GRM5: variants seen among roughly 807,000 people sequenced by gnomAD.
The protein encoded by GRM5 is glutamate metabotropic receptor 5, also known as metabotropic glutamate receptor 5.
GRM5 carries 19 observed loss-of-function variants against 83.1 expected under a neutral mutation model. That is an observed-to-expected ratio of 0.23 (90% CI 0.16 to 0.34). The LOEUF (loss-of-function observed/expected upper bound fraction) is 0.34, where lower values mean the gene tolerates loss of function less well. Among genes scored for constraint, GRM5 ranks in the 10% least tolerant of loss-of-function variants. GRM5 has a pLI of 1.00. For missense variants in GRM5, 1,160 were observed against 1,588.3 expected (o/e 0.73, Z 4.58); for synonymous variants, 675 against 633.6 (o/e 1.07, Z -0.98).
At chr11:88,817,808 G>A (rs867481884) in intron 3 of GRM5, among the ~76,000 whole-genome samples, 21 of 152,058 alleles carry the variant, frequency 1.4e-4, no homozygotes, top group African/African-American at 4.8e-4. Flanking sequence ...TAAGAAAAAT[G>A]AGGTTTAAAT....
At chr11:88,565,538 C>T (rs900124626) in intron 8 of GRM5, among the ~76,000 whole-genome samples, 10 of 152,094 alleles carry the variant, frequency 6.6e-5, no homozygotes, top group Admixed American at 1.3e-4. Context: ...ATTCTGTTTA[C>T]AGATAGGACT....
At position 89,047,222 on chromosome 11, in the gene GRM5, C is replaced by A. The variant is rs1941661058; in HGVS notation, c.651G>T (p.Val217=). ...KRYNWTYVSA[V]HTEGNYGESG... ...GCAAAGGAAACTTACCTTCTGTGTG[C>A]ACGGCTGATACATAGGTCCAGTTGT... The change falls in exon 2 of 10, where the codon GTG becomes GTT. Residue 217 remains valine (V), a synonymous_variant. Transcript: ENST00000305447. The surrounding 1 kb of genome is among the most constrained non-coding windows in gnomAD (Gnocchi z 5.1). 6 of 1,608,200 alleles carry A rather than the reference C, an allele frequency of 3.7e-6. No homozygotes were observed. The African/African-American group carries it at 4.0e-5, about 11-fold the overall frequency.
chr11:88,513,694 T>A (rs78888323), intron 9 of GRM5, among the ~76,000 whole-genome samples: 8 of 152,086 alleles, frequency 5.3e-5, no homozygotes, highest in Non-Finnish European at 8.8e-5. Context: ...CTCAGAATGA[T>A]GTTGAGCAAA....
At chr11:88,638,173 G>A (rs1305959912) in intron 4 of GRM5, among the ~76,000 whole-genome samples, 9 of 104,082 alleles carry the variant, frequency 8.6e-5, no homozygotes, top group African/African-American at 3.4e-4. Flanking sequence ...GGGGAGGGGG[G>A]AGGGATAGCT....
intron 3 of GRM5, among the ~76,000 whole-genome samples, chr11:88,761,853 C>CAGACAT (rs765170699): frequency 5.1e-5 from 5 of 98,270 alleles, no homozygotes; most frequent in Non-Finnish European, 1.5e-4. Flanking sequence ...TACACAGACA[C>CAGACAT]ATAGATCAAC....
chr11:88,968,567 T>C (rs1328065189), intron 2 of GRM5, among the ~76,000 whole-genome samples: 1 of 152,144 alleles, frequency 6.6e-6, no homozygotes, highest in South Asian at 2.1e-4. Context: ...CTTGCACCTG[T>C]AGTCCCAGCT....
chr11:88,618,803 A>G (rs964981370), intron 4 of GRM5, among the ~76,000 whole-genome samples: 5 of 152,180 alleles, frequency 3.3e-5, no homozygotes, highest in Admixed American at 2.6e-4. Context: ...GCACCAAAGA[A>G]CAGGACTTCA....
chr11:88,641,715 A>G (rs1054438713), intron 4 of GRM5, among the ~76,000 whole-genome samples: 11 of 152,332 alleles, frequency 7.2e-5, no homozygotes, highest in Admixed American at 5.9e-4. Context: ...TTAAAGCTCC[A>G]AAATAATCTC....
chr11:88,593,781 T>C (rs1447555198), intron 6 of GRM5, among the ~76,000 whole-genome samples: 3 of 93,908 alleles, frequency 3.2e-5, no homozygotes, highest in African/African-American at 8.1e-5. Context: ...TCTCTCTCTC[T>C]CTCTTTCTCT....
At chr11:88,603,543 T>G (rs115879422) in intron 5 of GRM5, among the ~76,000 whole-genome samples, 5,018 of 152,114 alleles carry the variant, frequency 0.033, 217 homozygotes, top group African/African-American at 0.099. Context: ...TGGATATACG[T>G]AAGAGCCAAA....
intron 3 of GRM5, among the ~76,000 whole-genome samples, chr11:88,742,873 A>G (rs1041904193): frequency 2.6e-5 from 4 of 152,096 alleles, no homozygotes; most frequent in Admixed American, 6.6e-5. Flanking sequence ...AGGCTCTACC[A>G]TCTAAGACCC....
chr11:88,597,165 A>T lies in GRM5; in HGVS notation c.1563+19T>A, dbSNP rs750728122. 6.8e-7 allele frequency: 1 copy of T among 1,479,834 alleles called. No homozygotes were observed. The highest frequency in any genetic ancestry group is 2.3e-5 in the Admixed American group (1 of 42,632). 91.7% of individuals were successfully genotyped at this position (1,479,834 alleles called of 1,614,324 possible). ...TTGAATTTACAACAAAAATGAAAGA[A>T]ACATAGATTCCATTTTACCTTGATC... On this transcript the variant is annotated intron_variant, in intron 6 of 9. Coordinates refer to ENST00000305447, the MANE Select transcript of GRM5 (RefSeq NM_001143831.3).
chr11:89,040,304 TA>T (rs1272746838), intron 2 of GRM5, among the ~76,000 whole-genome samples: 1 of 152,150 alleles, frequency 6.6e-6, no homozygotes, highest in Non-Finnish European at 1.5e-5. Flanking sequence ...ATCTATTCAC[TA>T]TCAAATTAAC....
At chr11:88,826,809 CT>C (rs2135515401) in intron 3 of GRM5, among the ~76,000 whole-genome samples, 1 of 152,270 alleles carries the variant, frequency 6.6e-6, no homozygotes, top group African/African-American at 2.4e-5. Flanking sequence ...ACTATGTAGA[CT>C]TTTAGGAATA....
intron 2 of GRM5, among the ~76,000 whole-genome samples, chr11:88,900,539 C>G (rs1302180107): frequency 6.6e-6 from 1 of 151,860 alleles, no homozygotes; most frequent in African/African-American, 2.4e-5. Context: ...TTAAAATGAT[C>G]ATTTTGAATA....
chr11:88,590,589 G>A lies in GRM5; in HGVS notation c.1690+12C>T, dbSNP rs1488137099. On this transcript the variant is annotated intron_variant, in intron 7 of 9. Coordinates refer to ENST00000305447, the MANE Select transcript of GRM5 (RefSeq NM_001143831.3). ...CAGTTAATTTATATGTGGTGAGATT[G>A]TGATAGATTACCTGTGAGATCATCA... 6.2e-7 allele frequency: 1 copy of A among 1,609,444 alleles called. No homozygotes were observed. Among genetic ancestry groups the A allele is most frequent in the African/African-American group, 1.3e-5 (1 of 74,894 alleles).
chr11:88,567,238 G>T lies in GRM5; in HGVS notation c.2445C>A (p.Gly815=), dbSNP rs199714294. 1.2e-6 allele frequency: 2 copies of T among 1,614,100 alleles called. No homozygotes were observed. Among genetic ancestry groups the T allele is most frequent in the Non-Finnish European group, 1.7e-6 (2 of 1,179,970 alleles). The change falls in exon 8 of 10, where the codon GGC becomes GGA. Residue 815 remains glycine (G), a synonymous_variant. Coordinates refer to ENST00000305447, the MANE Select transcript of GRM5 (RefSeq NM_001143831.3). This position sits in a 1 kb window ranked among gnomAD's most constrained non-coding sequence, Gnocchi z 7.3. The stretch of plus-strand genomic sequence containing the variant: ...TGTACACCTTCGGCACAAACATGCA[G>T]CCTAGGGCCACTGTGGCACTGAGGC... ...SVSLSATVAL[G]CMFVPKVYII... is the part of the protein sequence containing the mutation.
At chr11:88,584,007 C>T (rs561984898) in intron 7 of GRM5, among the ~76,000 whole-genome samples, 10 of 152,146 alleles carry the variant, frequency 6.6e-5, no homozygotes, top group African/African-American at 2.4e-4. Context: ...AATTTTCTTA[C>T]CCTTATCCTC....
At chr11:88,892,957 T>C (rs1945171243) in intron 2 of GRM5, among the ~76,000 whole-genome samples, 1 of 152,004 alleles carries the variant, frequency 6.6e-6, no homozygotes, top group African/African-American at 2.4e-5. Context: ...TTCTGTATCT[T>C]GGCAGGTAAA....
Sources: allele counts gnomAD v4.1 joint callset (sites outside exome capture counted in the v4.1 genomes callset), GRCh38; gene constraint gnomAD v4.1.1; non-coding constraint Gnocchi (gnomAD v3.1); transcripts MANE v1.5; gene names NCBI Gene and HGNC (gene_info 2026-07-23, HGNC 2026-07-21).